The following REC114 variants were observed in gnomAD, a reference collection of about 807,000 sequenced individuals.
REC114 encodes meiotic recombination protein REC114.
A neutral mutation model predicts 31.3 loss-of-function variants in REC114; 27 were observed. The observed-to-expected ratio is 0.86, with a 90% CI of 0.64 to 1.19. The LOEUF is 1.19. Ranked by LOEUF, REC114 falls within the 50% of genes most tolerant of loss-of-function variation. REC114 has a pLI of 0.00. For missense variants in REC114, 344 were observed against 326.9 expected (o/e 1.05, Z -0.40); for synonymous variants, 134 against 127.7 (o/e 1.05, Z -0.33).
intron 2 of REC114, among the ~76,000 whole-genome samples, chr15:73,506,155 G>C (rs1193197723): frequency 6.6e-6 from 1 of 151,938 alleles, no homozygotes; most frequent in African/African-American, 2.4e-5. Flanking sequence ...TAAATGAAAG[G>C]TTAAAAAAAG....
At chr15:73,456,242 T>G (rs1331358037) in intron 1 of REC114, among the ~76,000 whole-genome samples, 1 of 152,184 alleles carries the variant, frequency 6.6e-6, no homozygotes, top group Non-Finnish European at 1.5e-5. Flanking sequence ...AAAGGTGATG[T>G]TAATTGCAGG....
chr15:73,559,033 G>GT (rs1385798829), intron 5 of REC114, among the ~76,000 whole-genome samples: 3 of 152,220 alleles, frequency 2.0e-5, no homozygotes, highest in Non-Finnish European at 4.4e-5. Flanking sequence ...TATGCTAAGT[G>GT]TAAGAAGCCA....
intron 2 of REC114, among the ~76,000 whole-genome samples, chr15:73,487,021 CAA>C (rs139331434): frequency 1.4e-5 from 2 of 143,426 alleles, no homozygotes. Context: ...AACTCTGTCT[CAA>C]AAAAAAAAAA....
chr15:73,526,896 C>T (rs540297423), intron 2 of REC114, among the ~76,000 whole-genome samples: 20 of 152,144 alleles, frequency 1.3e-4, no homozygotes, highest in African/African-American at 4.8e-4. Context: ...CAGTTTGACC[C>T]TTTTGAAGCT....
Position 73,489,197 on chromosome 15 carries a change from C to A in REC114, c.249+15276C>A, listed in dbSNP as rs536818133. On this transcript the variant is annotated intron_variant, in intron 2 of 5. Coordinates refer to ENST00000331090, the MANE Select transcript of REC114 (RefSeq NM_001042367.2). ...ACCCATTTTCTGAATGCCCCTCCCC[C>A]ACCTTTTTTTTTTTTTTTTTTTTTG... 2.5e-3 allele frequency among the ~76,000 whole-genome samples: 369 copies of A among 148,146 alleles called. 3 individuals carry two copies. Among genetic ancestry groups the A allele is most frequent in the African/African-American group, 8.7e-3 (346 of 39,558 alleles).
rs181324184 is a variant in REC114 at position 73,497,780 on chromosome 15, C to G, written c.249+23859C>G. Among the ~76,000 whole-genome samples the G allele has an allele frequency of 4.5e-4, 69 of 152,222 alleles. 1 individual carries two copies. The highest frequency in any genetic ancestry group is 2.7e-3 in the Admixed American group (41 of 15,288). On this transcript the variant is annotated intron_variant, in intron 2 of 5. Transcript: ENST00000331090. The stretch of plus-strand genomic sequence containing the variant: ...AGAATTAATTCTTTTAGAGTGTCCA[C>G]TTATTTCTATAGGGAGGCCCAAGAA...
At chr15:73,465,415 C>G (rs1458213958) in intron 1 of REC114, among the ~76,000 whole-genome samples, 2 of 152,310 alleles carry the variant, frequency 1.3e-5, no homozygotes, top group East Asian at 3.9e-4. Flanking sequence ...TCTCCTCCCC[C>G]AGCTACCTGG....
intron 2 of REC114, among the ~76,000 whole-genome samples, chr15:73,522,250 C>T (rs2141320504): frequency 1.3e-5 from 2 of 152,330 alleles, no homozygotes; most frequent in South Asian, 4.1e-4. Context: ...ATGTATCATA[C>T]TACCTGCTTC....
At chr15:73,496,622 C>G (rs1893530486) in intron 2 of REC114, among the ~76,000 whole-genome samples, 1 of 146,394 alleles carries the variant, frequency 6.8e-6, no homozygotes, top group East Asian at 2.0e-4. Context: ...AACTGCACTC[C>G]AGGCTGGATG....
At chr15:73,446,244 A>T (rs573649874) in intron 1 of REC114, among the ~76,000 whole-genome samples, 1 of 152,212 alleles carries the variant, frequency 6.6e-6, no homozygotes, top group South Asian at 2.1e-4. Flanking sequence ...GGAACCTGGG[A>T]TTTTGGATTA....
intron 1 of REC114, among the ~76,000 whole-genome samples, chr15:73,463,349 C>T (rs376612244): frequency 4.6e-5 from 7 of 152,094 alleles, no homozygotes; most frequent in East Asian, 1.9e-4. Context: ...GTGAACTGGT[C>T]ATTGAATCTA....
intron 2 of REC114, among the ~76,000 whole-genome samples, chr15:73,532,776 C>A (rs1445382721): frequency 2.0e-5 from 3 of 152,038 alleles, no homozygotes; most frequent in Non-Finnish European, 4.4e-5. Context: ...ATGTTAAGGG[C>A]AGCCAGAGAG....
chr15:73,473,126 A>G (rs1406969232), intron 1 of REC114, among the ~76,000 whole-genome samples: 1 of 152,328 alleles, frequency 6.6e-6, no homozygotes, highest in East Asian at 1.9e-4. Context: ...GCGATGGCTC[A>G]CGCCTGTAAT....
At chr15:73,463,215 C>T (rs1000358947) in intron 1 of REC114, among the ~76,000 whole-genome samples, 2 of 152,098 alleles carry the variant, frequency 1.3e-5, no homozygotes, top group Admixed American at 1.3e-4. Context: ...TCCTTGACCT[C>T]ACCTCTCTCT....
At chr15:73,545,278 CTG>C (rs1894293663) in intron 3 of REC114, among the ~76,000 whole-genome samples, 1 of 152,282 alleles carries the variant, frequency 6.6e-6, no homozygotes, top group East Asian at 1.9e-4. Flanking sequence ...AAACTAGAGA[CTG>C]TATATTTGGC....
intron 4 of REC114, among the ~76,000 whole-genome samples, chr15:73,555,591 G>A (rs1459490632): frequency 6.6e-6 from 1 of 152,196 alleles, no homozygotes; most frequent in Non-Finnish European, 1.5e-5. Flanking sequence ...TGAGTTGCAA[G>A]ATAATTCATG....
chr15:73,449,349 A>G (rs1892813100), intron 1 of REC114, among the ~76,000 whole-genome samples: 1 of 152,170 alleles, frequency 6.6e-6, no homozygotes, highest in Non-Finnish European at 1.5e-5. Flanking sequence ...TTCATGAAGC[A>G]TACACAAGTA....
chr15:73,491,869 C>T (rs950260391), intron 2 of REC114, among the ~76,000 whole-genome samples: 1 of 151,938 alleles, frequency 6.6e-6, no homozygotes, highest in Non-Finnish European at 1.5e-5. Flanking sequence ...CGCTACACTC[C>T]AGCCTGGGTG....
chr15:73,477,206 C>T (rs1893227222), intron 2 of REC114, among the ~76,000 whole-genome samples: 1 of 152,088 alleles, frequency 6.6e-6, no homozygotes, highest in African/African-American at 2.4e-5. Flanking sequence ...TGTTTGCCTT[C>T]TTATATTCGA....
Sources: allele counts gnomAD v4.1 joint callset (sites outside exome capture counted in the v4.1 genomes callset), GRCh38; gene constraint gnomAD v4.1.1; transcripts MANE v1.5; gene names NCBI Gene and HGNC (gene_info 2026-07-23, HGNC 2026-07-21).